RNGTT: variants seen among roughly 807,000 people sequenced by gnomAD.
The protein encoded by RNGTT is RNA guanylyltransferase and 5'-phosphatase, also known as mRNA-capping enzyme.
RNGTT carries 33 observed loss-of-function variants against 79.3 expected under a neutral mutation model. The ratio of observed to expected loss-of-function variants is 0.42; its 90% CI spans 0.32 to 0.56. The LOEUF (loss-of-function observed/expected upper bound fraction) is 0.56, where lower values mean the gene tolerates loss of function less well. Ranked by LOEUF, RNGTT falls within the 20% of genes least tolerant of loss-of-function variation. The pLI is 0.17. For missense variants in RNGTT, 497 were observed against 739.1 expected (o/e 0.67, Z 3.80); for synonymous variants, 222 against 235.9 (o/e 0.94, Z 0.54).
intron 1 of RNGTT, among the ~76,000 whole-genome samples, chr6:88,942,320 T>C (rs1384055929): frequency 3.3e-5 from 5 of 152,144 alleles, no homozygotes; most frequent in African/African-American, 1.2e-4. Flanking sequence ...CAGTATAGCA[T>C]AGAGGAAGTC....
intron 1 of RNGTT, among the ~76,000 whole-genome samples, chr6:88,955,657 C>T (rs1474804125): frequency 6.6e-6 from 1 of 151,860 alleles, no homozygotes; most frequent in East Asian, 1.9e-4. Flanking sequence ...GAACCCAAAC[C>T]CAGCAGAAGA....
chr6:88,814,440 T>C (rs1176131330), intron 11 of RNGTT, among the ~76,000 whole-genome samples: 1 of 152,216 alleles, frequency 6.6e-6, no homozygotes, highest in Non-Finnish European at 1.5e-5. Flanking sequence ...GTTGCCTTAG[T>C]ATAGCTTTTA....
In RNGTT at chr6:88,871,417, T is replaced by C. The variant is rs184680574; in HGVS notation, c.897-17653A>G. ...AAATATGTCCTGAAAGTCCACAAAA[T>C]TATTTGACACTCTTAACCTCAAGAG... On this transcript the variant is annotated intron_variant, in intron 8 of 15. Coordinates refer to ENST00000369485, the MANE Select transcript of RNGTT (RefSeq NM_003800.5). Among the ~76,000 whole-genome samples the C allele has an allele frequency of 1.6e-4, 24 of 152,034 alleles. No homozygotes were observed. The Middle Eastern group carries it at 0.01, about 65-fold the overall frequency.
chr6:88,742,110 A>G (rs1163940504), intron 13 of RNGTT, among the ~76,000 whole-genome samples: 1 of 152,218 alleles, frequency 6.6e-6, no homozygotes, highest in East Asian at 1.9e-4. Context: ...CCTGAATTCT[A>G]TGGGCATATG....
intron 2 of RNGTT, among the ~76,000 whole-genome samples, chr6:88,936,690 T>C (rs1378136844): frequency 6.6e-6 from 1 of 152,252 alleles, no homozygotes; most frequent in Non-Finnish European, 1.5e-5. Flanking sequence ...TTGATTTGCA[T>C]ATGCTGAACC....
intron 11 of RNGTT, among the ~76,000 whole-genome samples, chr6:88,843,669 C>T (rs953694637): frequency 6.8e-6 from 1 of 147,352 alleles, no homozygotes; most frequent in African/African-American, 2.5e-5. Context: ...AGCGATTCTC[C>T]TGCCTCAGCC....
intron 12 of RNGTT, among the ~76,000 whole-genome samples, chr6:88,791,197 T>C (rs1779397185): frequency 6.7e-6 from 1 of 149,394 alleles, no homozygotes. Flanking sequence ...AAGGCCTGAG[T>C]GCAGTGCCAC....
chr6:88,801,732 G>A (rs983000719), intron 11 of RNGTT, 100 bp from the exon 12 acceptor site: 4 of 664,736 alleles, frequency 6.0e-6, no homozygotes, highest in Non-Finnish European at 1.0e-5. Context: ...TAATATATAA[G>A]TTATAAGAAC....
chr6:88,769,734 A>G, intron 13 of RNGTT, 40 bp downstream of exon 13: 1 of 1,210,974 alleles, frequency 8.3e-7, no homozygotes, highest in South Asian at 1.3e-5. Context: ...TTACACAAAC[A>G]GTATTATTTC....
At chr6:88,635,102 A>G (rs1012954135) in intron 14 of RNGTT, among the ~76,000 whole-genome samples, 1 of 152,060 alleles carries the variant, frequency 6.6e-6, no homozygotes, top group Admixed American at 6.6e-5. Context: ...TTCACTCAGA[A>G]AACTATAAAA....
At chr6:88,647,627 A>T (rs1396296955) in intron 14 of RNGTT, among the ~76,000 whole-genome samples, 4 of 148,908 alleles carry the variant, frequency 2.7e-5, no homozygotes, top group African/African-American at 1.0e-4. Context: ...TAGGAGGATC[A>T]CTTGAGCCTG....
At chr6:88,797,468 G>C (rs1487640092) in intron 12 of RNGTT, among the ~76,000 whole-genome samples, 1 of 152,064 alleles carries the variant, frequency 6.6e-6, no homozygotes, top group Non-Finnish European at 1.5e-5. Context: ...ATGAAATAGT[G>C]AAAAGAAACT....
intron 12 of RNGTT, among the ~76,000 whole-genome samples, chr6:88,791,564 G>A (rs1456934913): frequency 6.6e-6 from 1 of 151,752 alleles, no homozygotes; most frequent in Non-Finnish European, 1.5e-5. Flanking sequence ...TTTTGAGACA[G>A]AGTCTGGCTC....
intron 13 of RNGTT, among the ~76,000 whole-genome samples, chr6:88,684,116 G>A (rs1269884621): frequency 6.6e-6 from 1 of 152,146 alleles, no homozygotes; most frequent in African/African-American, 2.4e-5. Flanking sequence ...GATAGCAAGT[G>A]GTTATATGAA....
intron 7 of RNGTT, among the ~76,000 whole-genome samples, 153 bp downstream of exon 7, chr6:88,891,653 T>C (rs779755603): frequency 2.0e-5 from 3 of 152,156 alleles, no homozygotes; most frequent in Non-Finnish European, 4.4e-5. Context: ...TGTCTGGTTA[T>C]TGCATTGATT....
chr6:88,759,246 T>G (rs1469964691), intron 13 of RNGTT, among the ~76,000 whole-genome samples: 1 of 152,222 alleles, frequency 6.6e-6, no homozygotes, highest in Non-Finnish European at 1.5e-5. Flanking sequence ...TCCTGCATCC[T>G]TTCGACATAC....
chr6:88,689,430 C>A (rs1193190791), intron 13 of RNGTT, among the ~76,000 whole-genome samples: 124 of 152,064 alleles, frequency 8.2e-4, no homozygotes, highest in Non-Finnish European at 8.8e-5. Flanking sequence ...CCCGTCTCTA[C>A]TAAAAATACA....
chr6:88,934,061 G>T (rs1189193126), intron 2 of RNGTT, among the ~76,000 whole-genome samples: 1 of 151,970 alleles, frequency 6.6e-6, no homozygotes, highest in Non-Finnish European at 1.5e-5. Context: ...ACAGGGTTTT[G>T]CTCTGCCACC....
At chr6:88,893,223 T>C (rs1783112634) in intron 6 of RNGTT, among the ~76,000 whole-genome samples, 2 of 152,074 alleles carry the variant, frequency 1.3e-5, no homozygotes, top group African/African-American at 4.8e-5. Flanking sequence ...CCTTAAAAAA[T>C]TGTTTCTTAT....
Sources: allele counts gnomAD v4.1 joint callset (sites outside exome capture counted in the v4.1 genomes callset), GRCh38; gene constraint gnomAD v4.1.1; transcripts MANE v1.5; gene names NCBI Gene and HGNC (gene_info 2026-07-23, HGNC 2026-07-21).